The following PFKFB3 variants were observed in gnomAD, a reference collection of about 807,000 sequenced individuals.
PFKFB3 encodes the protein 6-phosphofructo-2-kinase/fructose-2,6-bisphosphatase 3.
A neutral mutation model predicts 68.0 loss-of-function variants in PFKFB3; 33 were observed. The ratio of observed to expected loss-of-function variants is 0.49; its 90% CI spans 0.37 to 0.65. PFKFB3 has a LOEUF of 0.65. PFKFB3 is among the 30% of genes least tolerant of loss of function. PFKFB3 has a pLI of 0.00. For synonymous variants in PFKFB3, 315 were observed against 288.2 expected, an observed-to-expected ratio of 1.09 and a Z score of -0.94; for missense variants, 586 against 712.2, an observed-to-expected ratio of 0.82 and a Z score of 2.02.
At chr10:6,301,024 T>C in the PFKFB3 span, among the ~76,000 whole-genome samples, 1 of 152,142 alleles carries the variant, frequency 6.6e-6, no homozygotes, top group Admixed American at 6.5e-5. Flanking sequence ...TGGAGGCTGG[T>C]CCGTAACAGT....
At chr10:6,308,568 T>C in the PFKFB3 span, among the ~76,000 whole-genome samples, 1 of 152,166 alleles carries the variant, frequency 6.6e-6, no homozygotes, top group Non-Finnish European at 1.5e-5. Context: ...TACCTCATTA[T>C]AGTTAAGACC....
intron 1 of PFKFB3, among the ~76,000 whole-genome samples, chr10:6,187,839 CCA>C (rs1842911728): frequency 6.6e-6 from 1 of 152,034 alleles, no homozygotes; most frequent in African/African-American, 2.4e-5. Flanking sequence ...TGAAATAATT[CCA>C]GACTTAATAG....
intron 14 of PFKFB3, among the ~76,000 whole-genome samples, chr10:6,251,830 T>C (rs4750178): frequency 0.89 from 135,570 of 151,808 alleles, 61,842 homozygotes; most frequent in South Asian, 0.99. Context: ...TAGCCAGGTG[T>C]GGTGGCGGGT....
upstream of PFKFB3, among the ~76,000 whole-genome samples, chr10:6,198,013 T>G (rs1040923993): frequency 1.3e-5 from 2 of 152,166 alleles, no homozygotes; most frequent in Non-Finnish European, 2.9e-5. Context: ...ACAATTTACT[T>G]AGATAAATCA....
intron 1 of PFKFB3, among the ~76,000 whole-genome samples, chr10:6,153,890 G>T (rs1841682727): frequency 6.6e-6 from 1 of 152,002 alleles, no homozygotes; most frequent in Non-Finnish European, 1.5e-5. Context: ...TCAGGGACCG[G>T]GAGGGAGGAT....
At chr10:6,306,146 G>C in the PFKFB3 span, among the ~76,000 whole-genome samples, 25 of 152,266 alleles carry the variant, frequency 1.6e-4, no homozygotes, top group African/African-American at 5.1e-4. Context: ...TGATCCTCCC[G>C]CCTGGGCCTC....
In PFKFB3 at chr10:6,161,637, TAGAGAG is replaced by T. The variant is rs71390193; in HGVS notation, c.16+16640_16+16645del. On this transcript the variant is annotated intron_variant, in intron 1 of 14. Coordinates refer to the PFKFB3 transcript ENST00000379789. ...ATACACACACACACATATATATATA[TAGAGAG>T]AGAGAGAGAGAGAGAATCTCACTTT... Among the ~76,000 whole-genome samples, 436 of 149,590 alleles carry T rather than the reference TAGAGAG, an allele frequency of 2.9e-3. 1 individual carries two copies. Among genetic ancestry groups the T allele is most frequent in the Non-Finnish European group, 4.6e-3 (309 of 67,460 alleles).
intron 1 of PFKFB3, among the ~76,000 whole-genome samples, chr10:6,183,036 C>T (rs1018794769): frequency 6.6e-6 from 1 of 152,170 alleles, no homozygotes; most frequent in African/African-American, 2.4e-5. Flanking sequence ...AGCCCATACA[C>T]GCCCCAGCCC....
At position 6,216,108 on chromosome 10, in the gene PFKFB3, T is replaced by C. The variant is rs774741824; in HGVS notation, c.300-17T>C. 1.9e-6 allele frequency: 3 copies of C among 1,613,104 alleles called. No homozygotes were observed. The highest frequency in any genetic ancestry group is 2.2e-5 in the South Asian group (2 of 91,078). Reference sequence around the variant, plus strand: ...TGCACCGGCGCTGACATTCGGGCAATGTCTTGTGCATTCCAGGCAATGTGC... The same window carrying C: ...TGCACCGGCGCTGACATTCGGGCAACGTCTTGTGCATTCCAGGCAATGTGC... On this transcript the variant is annotated splice_polypyrimidine_tract_variant and intron_variant, in intron 3 of 14. Coordinates refer to ENST00000379775, the MANE Select transcript of PFKFB3 (RefSeq NM_004566.4).
At chr10:6,289,700 T>C in the PFKFB3 span, among the ~76,000 whole-genome samples, 3 of 152,192 alleles carry the variant, frequency 2.0e-5, no homozygotes, top group Non-Finnish European at 4.4e-5. Context: ...TCTTTTTGGT[T>C]CCATATGAAC....
At chr10:6,252,334 A>G (rs778655979) in intron 14 of PFKFB3, among the ~76,000 whole-genome samples, 1 of 152,112 alleles carries the variant, frequency 6.6e-6, no homozygotes, top group African/African-American at 2.4e-5. Context: ...TTTTCTTTTG[A>G]TGTAGTTTGG....
downstream of PFKFB3, among the ~76,000 whole-genome samples, chr10:6,257,465 C>T (rs1229860358): frequency 6.6e-6 from 1 of 152,066 alleles, no homozygotes; most frequent in African/African-American, 2.4e-5. Context: ...TAAATCATGA[C>T]GATGGGAGGT....
intron 14 of PFKFB3, among the ~76,000 whole-genome samples, chr10:6,250,736 C>T (rs1373892821): frequency 6.6e-6 from 1 of 152,184 alleles, no homozygotes; most frequent in Non-Finnish European, 1.5e-5. Flanking sequence ...GGAAGGCCCT[C>T]ACCGGATGCT....
chr10:6,217,313 C>T, intron 6 of PFKFB3, 122 bp downstream of exon 6: 1 of 881,720 alleles, frequency 1.1e-6, no homozygotes, highest in Non-Finnish European at 1.9e-6. Flanking sequence ...GATGAGCAGC[C>T]CCCAGCTGGC....
chr10:6,202,893 C>A (rs937583399), upstream of PFKFB3: 73 of 1,119,616 alleles, frequency 6.5e-5, no homozygotes, highest in Non-Finnish European at 7.1e-5. Flanking sequence ...CTGCGGCCAG[C>A]CCGGACTCTT....
chr10:6,178,389 A>T (rs1184068771), intron 1 of PFKFB3, among the ~76,000 whole-genome samples: 1 of 152,182 alleles, frequency 6.6e-6, no homozygotes, highest in Non-Finnish European at 1.5e-5. Flanking sequence ...CAGCAACAAG[A>T]GAACAGCGAA....
At chr10:6,245,381 T>C (rs938832766) in intron 14 of PFKFB3, among the ~76,000 whole-genome samples, 2 of 149,884 alleles carry the variant, frequency 1.3e-5, no homozygotes, top group Admixed American at 6.7e-5. Context: ...TGGCATGAGC[T>C]ACTGCACCCG....
chr10:6,253,026 C>A (rs1314101230), intron 14 of PFKFB3, among the ~76,000 whole-genome samples: 1 of 152,188 alleles, frequency 6.6e-6, no homozygotes, highest in Non-Finnish European at 1.5e-5. Context: ...TCAAGCAATT[C>A]TCTGCCTCAG....
chr10:6,273,002 CTTTTTTTTT>C, the PFKFB3 span, among the ~76,000 whole-genome samples: 4 of 74,142 alleles, frequency 5.4e-5, no homozygotes, highest in Admixed American at 1.8e-4. Flanking sequence ...AGATTGCAGG[CTTTTTTTTT>C]TTTTTTTTTT....
Sources: gnomAD v4.1 joint callset for allele counts (sites outside exome capture counted in the v4.1 genomes callset) on GRCh38, gnomAD v4.1.1 for gene constraint, MANE v1.5 for transcripts, NCBI Gene and HGNC (gene_info 2026-07-23, HGNC 2026-07-21) for gene names.